The following SYT16 variants were observed in gnomAD, a reference collection of about 807,000 sequenced individuals.
SYT16 encodes the protein synaptotagmin 16.
In SYT16, 42 loss-of-function variants were observed where a neutral mutation model predicts 61.4. The ratio of observed to expected loss-of-function variants is 0.68; its 90% CI spans 0.53 to 0.89. The LOEUF is 0.89. SYT16 is among the 40% of genes least tolerant of loss of function. The pLI, the probability that SYT16 is intolerant of heterozygous loss-of-function variation, is 0.00. For missense variants in SYT16, 804 were observed against 807.3 expected, an observed-to-expected ratio of 1.00 and a Z score of 0.05; for synonymous variants, 314 against 302.3, an observed-to-expected ratio of 1.04 and a Z score of -0.40.
In SYT16 at chr14:61,996,554, A is replaced by G. The variant is rs771625061; in HGVS notation, c.523+12A>G. On this transcript the variant is annotated intron_variant, in intron 3 of 7. Transcript: ENST00000683842. The stretch of plus-strand genomic sequence containing the variant: ...TGGAAAAAAGCAAGGTAAGCTAGCC[A>G]GTCATCATTTTCTCTGCGTTCCTCC... 7 of 1,574,028 alleles carry G rather than the reference A, an allele frequency of 4.4e-6. No individual in the cohort carries two copies. The highest frequency in any genetic ancestry group is 6.0e-6 in the Non-Finnish European group (7 of 1,162,254).
chr14:61,963,665 G>A (rs1482472374), intron 1 of SYT16, among the ~76,000 whole-genome samples: 1 of 152,194 alleles, frequency 6.6e-6, no homozygotes, highest in Non-Finnish European at 1.5e-5. Flanking sequence ...AAGTTATACA[G>A]ATGGTCTACC....
At chr14:61,929,911 G>T (rs901854402) in intron 1 of SYT16, among the ~76,000 whole-genome samples, 5 of 152,236 alleles carry the variant, frequency 3.3e-5, no homozygotes, top group African/African-American at 1.2e-4. Context: ...TAGTTCACTA[G>T]GTCAATTTGT....
In SYT16 at chr14:61,958,977, T is replaced by C. The variant is rs185777118; in HGVS notation, c.-324-11155T>C. Among the ~76,000 whole-genome samples the C allele has an allele frequency of 7.2e-5, 11 of 152,276 alleles. 2 individuals are homozygous for C. The highest frequency in any genetic ancestry group is 2.1e-4 in the South Asian group (1 of 4,826). On this transcript the variant is annotated intron_variant, in intron 1 of 7. Coordinates refer to ENST00000683842, the MANE Select transcript of SYT16 (RefSeq NM_001367656.1). ...TTAGTTGTGATAGATCCCTGTAGAATTGACCCTTTTGTCATTATGAAATGC... is the reference window on the plus strand; with the variant it reads ...TTAGTTGTGATAGATCCCTGTAGAACTGACCCTTTTGTCATTATGAAATGC...
intron 2 of SYT16, among the ~76,000 whole-genome samples, chr14:61,981,100 T>A (rs1180969808): frequency 6.6e-6 from 1 of 152,208 alleles, no homozygotes; most frequent in Non-Finnish European, 1.5e-5. Flanking sequence ...GCTTGCAGTC[T>A]GAAGACTGTC....
chr14:61,977,947 A>G (rs567846800), intron 2 of SYT16, among the ~76,000 whole-genome samples: 4 of 152,128 alleles, frequency 2.6e-5, no homozygotes, highest in Non-Finnish European at 4.4e-5. Context: ...TCTAGGGAGA[A>G]TCTGTTTCAT....
At chr14:62,011,924 C>CATATAT (rs71449575) in intron 3 of SYT16, among the ~76,000 whole-genome samples, 11 of 87,030 alleles carry the variant, frequency 1.3e-4, no homozygotes, top group Non-Finnish European at 1.8e-4. Context: ...CACACACACA[C>CATATAT]ACATATATAT....
intron 1 of SYT16, among the ~76,000 whole-genome samples, chr14:61,916,542 G>A (rs217641): frequency 0.91 from 138,444 of 152,224 alleles, 63,087 homozygotes; most frequent in East Asian, 0.98. Context: ...AAATCAGGGT[G>A]ATTCAGATAT....
intron 1 of SYT16, among the ~76,000 whole-genome samples, chr14:61,919,225 T>A (rs2049238339): frequency 6.6e-6 from 1 of 152,154 alleles, no homozygotes; most frequent in African/African-American, 2.4e-5. Flanking sequence ...CCTGTCCCAT[T>A]TTCCTAAGAC....
intron 1 of SYT16, among the ~76,000 whole-genome samples, chr14:61,853,428 C>T (rs184502242): frequency 4.9e-4 from 74 of 152,274 alleles, no homozygotes; most frequent in Admixed American, 1.1e-3. Flanking sequence ...GAAATCCTAA[C>T]CCTCAAGATG....
intron 1 of SYT16, among the ~76,000 whole-genome samples, chr14:61,954,882 C>A (rs1022706546): frequency 1.3e-5 from 2 of 152,004 alleles, no homozygotes; most frequent in East Asian, 3.8e-4. Context: ...AATAAAATTG[C>A]AGAATCTTTA....
chr14:61,964,687 A>C (rs928316385), intron 1 of SYT16, among the ~76,000 whole-genome samples: 3 of 152,154 alleles, frequency 2.0e-5, no homozygotes, highest in African/African-American at 7.2e-5. Flanking sequence ...CTGTGGATAA[A>C]ATGCTCTCAA....
intron 1 of SYT16, among the ~76,000 whole-genome samples, chr14:61,849,365 C>G (rs1244325658): frequency 1.3e-5 from 2 of 152,148 alleles, no homozygotes; most frequent in Non-Finnish European, 2.9e-5. Flanking sequence ...TCCACTGGTT[C>G]TGAGCCCAGC....
At chr14:62,063,965 A>T (rs1163003671) in intron 3 of SYT16, among the ~76,000 whole-genome samples, 1 of 152,180 alleles carries the variant, frequency 6.6e-6, no homozygotes, top group East Asian at 1.9e-4. Flanking sequence ...ATCTGTCTGA[A>T]TTCTGTGATT....
intron 3 of SYT16, among the ~76,000 whole-genome samples, chr14:62,004,943 G>A (rs1220706845): frequency 6.6e-6 from 1 of 152,206 alleles, no homozygotes; most frequent in Admixed American, 6.5e-5. Context: ...ATGGGGAGGG[G>A]GAGGTGTGCC....
intron 3 of SYT16, among the ~76,000 whole-genome samples, chr14:62,034,628 A>T (rs1457298001): frequency 6.6e-6 from 1 of 152,000 alleles, no homozygotes; most frequent in African/African-American, 2.4e-5. Flanking sequence ...ACTCTTTTTT[A>T]TATGCAATGT....
chr14:62,088,956 T>C (rs1595388411), intron 7 of SYT16, among the ~76,000 whole-genome samples: 2 of 79,310 alleles, frequency 2.5e-5, no homozygotes, highest in African/African-American at 2.2e-4. Flanking sequence ...TTGGCAATAC[T>C]TTTTTTTTTT....
chr14:61,965,427 G>C (rs2051277456), intron 1 of SYT16, among the ~76,000 whole-genome samples: 1 of 152,096 alleles, frequency 6.6e-6, no homozygotes, highest in Admixed American at 6.6e-5. Context: ...GAACTCTTTT[G>C]AAATAACCAA....
At chr14:61,890,067 G>C (rs535924752) in intron 1 of SYT16, among the ~76,000 whole-genome samples, 3 of 152,160 alleles carry the variant, frequency 2.0e-5, no homozygotes, top group Non-Finnish European at 4.4e-5. Flanking sequence ...GAAAGATCAC[G>C]AAGAGGCAGG....
At chr14:61,825,371 A>G (rs375849406) in intron 1 of SYT16, among the ~76,000 whole-genome samples, 10 of 152,226 alleles carry the variant, frequency 6.6e-5, no homozygotes, top group African/African-American at 1.9e-4. Context: ...CAGTTTTACC[A>G]TAGAGTAATT....
Sources: allele counts gnomAD v4.1 joint callset (sites outside exome capture counted in the v4.1 genomes callset), GRCh38; gene constraint gnomAD v4.1.1; transcripts MANE v1.5; gene names NCBI Gene and HGNC (gene_info 2026-07-23, HGNC 2026-07-21).